The following DPYD variants were observed in gnomAD, a reference collection of about 807,000 sequenced individuals.
DPYD encodes dihydropyrimidine dehydrogenase [NADP(+)].
A neutral mutation model predicts 116.2 loss-of-function variants in DPYD; 109 were observed. The observed-to-expected ratio is 0.94, with a 90% CI of 0.80 to 1.10. The LOEUF (loss-of-function observed/expected upper bound fraction) is 1.10, where lower values mean the gene tolerates loss of function less well. DPYD is among the 50% of genes least tolerant of loss of function. DPYD has a pLI of 0.00. For synonymous variants in DPYD, 440 were observed against 432.0 expected (o/e 1.02, Z -0.23); for missense variants, 1,302 against 1,254.5 (o/e 1.04, Z -0.57).
At position 97,441,169 on chromosome 1, in the gene DPYD, C is replaced by A. The variant is rs147394222; in HGVS notation, c.1905+8890G>T. ...TTACATTACTGCCTGGTATAGTTTT[C>A]TTAATGTTTCTTATGCTTGGAGTTG... On this transcript the variant is annotated intron_variant, in intron 14 of 22. Transcript: ENST00000370192. Among the ~76,000 whole-genome samples, 20 of 151,840 alleles carry A rather than the reference C, an allele frequency of 1.3e-4. No homozygotes were observed. In the East Asian group the frequency reaches 3.9e-3, roughly 29 times the overall value.
chr1:97,549,748 A>T lies in DPYD; in HGVS notation c.1340-4T>A. 6.2e-7 allele frequency: 1 copy of T among 1,612,812 alleles called. No individual in the cohort carries two copies. Among genetic ancestry groups the T allele is most frequent in the Non-Finnish European group, 8.5e-7 (1 of 1,179,216 alleles). The stretch of plus-strand genomic sequence containing the variant: ...ATAGGGCTCAAGGCTTCTTTTACTG[A>T]AAAAACAAGTGAAAAACAATAGACA... On this transcript the variant is annotated splice_polypyrimidine_tract_variant and splice_region_variant and intron_variant, in intron 11 of 22. Coordinates refer to ENST00000370192, the MANE Select transcript of DPYD (RefSeq NM_000110.4).
At chr1:97,642,246 A>C (rs1657954183) in intron 8 of DPYD, among the ~76,000 whole-genome samples, 1 of 152,116 alleles carries the variant, frequency 6.6e-6, no homozygotes, top group Admixed American at 6.6e-5. Context: ...AAAATTGTTA[A>C]ATTTCATATG....
intron 19 of DPYD, among the ~76,000 whole-genome samples, chr1:97,213,035 T>C (rs1426094695): frequency 2.0e-5 from 3 of 152,152 alleles, no homozygotes; most frequent in African/African-American, 7.2e-5. Context: ...TCCAGGTTAA[T>C]AGATGGCCAT....
intron 3 of DPYD, among the ~76,000 whole-genome samples, chr1:97,786,122 C>T (rs919739879): frequency 1.9e-4 from 29 of 149,468 alleles, no homozygotes; most frequent in Non-Finnish European, 3.4e-4. Context: ...TCCCAAAATA[C>T]GCAATTTAAG....
At chr1:97,178,328 T>TAACA (rs1426849767) in intron 20 of DPYD, among the ~76,000 whole-genome samples, 1 of 152,080 alleles carries the variant, frequency 6.6e-6, no homozygotes, top group African/African-American at 2.4e-5. Flanking sequence ...TATAAAGACA[T>TAACA]AACAGAGACT....
intron 8 of DPYD, among the ~76,000 whole-genome samples, chr1:97,622,376 A>C (rs552473382): frequency 6.6e-6 from 1 of 152,148 alleles, no homozygotes; most frequent in East Asian, 1.9e-4. Flanking sequence ...ATGTCATTTG[A>C]GGAACATTCT....
intron 16 of DPYD, among the ~76,000 whole-genome samples, chr1:97,317,653 T>G (rs1225505113): frequency 2.0e-5 from 3 of 152,004 alleles, no homozygotes; most frequent in Non-Finnish European, 2.9e-5. Context: ...AAAACCTCAG[T>G]ATTTTTATAA....
chr1:97,291,835 A>G (rs1297525386), intron 18 of DPYD, among the ~76,000 whole-genome samples: 1 of 152,102 alleles, frequency 6.6e-6, no homozygotes, highest in Non-Finnish European at 1.5e-5. Flanking sequence ...CTTAAAGTAT[A>G]ATAAAATACA....
intron 14 of DPYD, among the ~76,000 whole-genome samples, chr1:97,389,777 T>C (rs772507389): frequency 5.3e-5 from 8 of 151,738 alleles, no homozygotes; most frequent in Non-Finnish European, 4.4e-5. Context: ...ATGCAAAGTA[T>C]GATAATTTAC....
At position 97,810,572 on chromosome 1, in the gene DPYD, T is replaced by C. The variant is rs554517600; in HGVS notation, c.233+17542A>G. Among the ~76,000 whole-genome samples the C allele has an allele frequency of 4.6e-5, 7 of 152,184 alleles. No homozygotes were observed. The South Asian group carries it at 1.2e-3, about 27-fold the overall frequency. On this transcript the variant is annotated intron_variant, in intron 3 of 22. Coordinates refer to ENST00000370192, the MANE Select transcript of DPYD (RefSeq NM_000110.4). Reference sequence around the variant, plus strand: ...CCTGACTGTTAATTCTCTTCTCCCATCCTTCACATTTTACATCCTAAACAT... The same window carrying C: ...CCTGACTGTTAATTCTCTTCTCCCACCCTTCACATTTTACATCCTAAACAT...
At chr1:97,323,261 CATATGTGTATATGTACACGTATAT>C (rs1668422165) in intron 16 of DPYD, among the ~76,000 whole-genome samples, 1 of 146,140 alleles carries the variant, frequency 6.8e-6, no homozygotes, top group African/African-American at 2.5e-5. Context: ...TACTTATATA[CATATGTGTATATGTACACGTATAT>C]ATACATATGT....
chr1:97,831,533 C>T (rs557526038), intron 2 of DPYD, among the ~76,000 whole-genome samples: 44 of 152,054 alleles, frequency 2.9e-4, no homozygotes, highest in African/African-American at 9.6e-4. Context: ...TCCCAGAATA[C>T]GATTTCAGTG....
intron 12 of DPYD, among the ~76,000 whole-genome samples, chr1:97,517,298 T>C (rs952689725): frequency 6.6e-6 from 1 of 152,010 alleles, no homozygotes; most frequent in Non-Finnish European, 1.5e-5. Flanking sequence ...TCACACAGGA[T>C]TGCTATACTA....
intron 2 of DPYD, among the ~76,000 whole-genome samples, chr1:97,828,543 A>G (rs991691258): frequency 4.6e-5 from 7 of 152,148 alleles, no homozygotes; most frequent in Non-Finnish European, 8.8e-5. Context: ...AATCTTAAGT[A>G]TAGAAAATCC....
chr1:97,187,968 A>G (rs996152814), intron 20 of DPYD, among the ~76,000 whole-genome samples: 4 of 152,104 alleles, frequency 2.6e-5, no homozygotes, highest in Admixed American at 2.6e-4. Context: ...TGTTTTTATT[A>G]CCACAGCCTA....
chr1:97,227,159 T>C (rs1241981867), intron 19 of DPYD, among the ~76,000 whole-genome samples: 1 of 150,830 alleles, frequency 6.6e-6, no homozygotes, highest in African/African-American at 2.4e-5. Flanking sequence ...ACCCCGTCTT[T>C]ACAAAAAATA....
chr1:97,249,808 A>G, intron 18 of DPYD, among the ~76,000 whole-genome samples: 1 of 152,232 alleles, frequency 6.6e-6, no homozygotes, highest in East Asian at 1.9e-4. Flanking sequence ...CAAATGATCA[A>G]TAAATACATA....
intron 16 of DPYD, among the ~76,000 whole-genome samples, chr1:97,358,541 C>A (rs977155647): frequency 5.3e-5 from 8 of 152,162 alleles, no homozygotes; most frequent in African/African-American, 1.9e-4. Context: ...CTGGGAGACA[C>A]CTCTCAGTAG....
chr1:97,629,025 TGAGTCCCTGGCAATTAG>T (rs1433790641), intron 8 of DPYD, among the ~76,000 whole-genome samples: 1 of 152,076 alleles, frequency 6.6e-6, no homozygotes, highest in East Asian at 1.9e-4. Context: ...CAGGACTAGG[TGAGTCCCTGGCAATTAG>T]TAAACAATCA....
Sources: gnomAD v4.1 joint callset for allele counts (sites outside exome capture counted in the v4.1 genomes callset) on GRCh38, gnomAD v4.1.1 for gene constraint, MANE v1.5 for transcripts, NCBI Gene and HGNC (gene_info 2026-07-23, HGNC 2026-07-21) for gene names.